The following WDR41 variants were observed in gnomAD, a reference collection of about 807,000 sequenced individuals.
WDR41 encodes the protein WD repeat-containing protein 41.
Under a neutral mutation model 69.3 loss-of-function variants are expected in WDR41, and 63 were observed. The observed-to-expected ratio is 0.91, with a 90% CI of 0.74 to 1.12. The LOEUF (loss-of-function observed/expected upper bound fraction) is 1.12, where lower values mean the gene tolerates loss of function less well. Among genes scored for constraint, WDR41 ranks in the 50% most tolerant of loss-of-function variants. The pLI is 0.00. For synonymous variants in WDR41, 185 were observed against 192.1 expected, an observed-to-expected ratio of 0.96 and a Z score of 0.31; for missense variants, 543 against 534.5, an observed-to-expected ratio of 1.02 and a Z score of -0.16.
intron 1 of WDR41, among the ~76,000 whole-genome samples, chr5:77,588,955 T>C (rs1744086731): frequency 6.6e-6 from 1 of 152,154 alleles, no homozygotes; most frequent in South Asian, 2.1e-4. Context: ...TCAGCACTAC[T>C]CTTTGTGGCC....
chr5:77,588,040 A>C (rs2112302746), intron 1 of WDR41, among the ~76,000 whole-genome samples: 1 of 152,296 alleles, frequency 6.6e-6, no homozygotes, highest in East Asian at 1.9e-4. Flanking sequence ...CTAATGAACT[A>C]ATATAGTCAC....
intron 1 of WDR41, among the ~76,000 whole-genome samples, chr5:77,604,039 G>A (rs1336515184): frequency 1.3e-5 from 2 of 152,052 alleles, no homozygotes; most frequent in Non-Finnish European, 2.9e-5. Flanking sequence ...TTTCCCTCAA[G>A]ATCGCTTTGG....
At chr5:77,612,716 C>T (rs1167694069) in intron 1 of WDR41, among the ~76,000 whole-genome samples, 6 of 151,998 alleles carry the variant, frequency 3.9e-5, no homozygotes, top group African/African-American at 1.4e-4. Flanking sequence ...TGGAAGCATT[C>T]CCTTTGAAAA....
intron 1 of WDR41, chr5:77,546,065 AG>A: frequency 5.4e-6 from 3 of 551,692 alleles, no homozygotes; most frequent in Non-Finnish European, 6.1e-6. Context: ...CACCTCAGCC[AG>A]GGGCTGCACT....
intron 1 of WDR41, among the ~76,000 whole-genome samples, chr5:77,611,925 A>T (rs1437559356): frequency 2.6e-5 from 4 of 152,144 alleles, no homozygotes; most frequent in Non-Finnish European, 4.4e-5. Flanking sequence ...AGAGAGAAGA[A>T]TCAAATAGAC....
chr5:77,518,766 A>G (rs1802329884), intron 1 of WDR41, among the ~76,000 whole-genome samples: 1 of 152,130 alleles, frequency 6.6e-6, no homozygotes, highest in South Asian at 2.1e-4. Context: ...TATAAACCAA[A>G]CTTTCCCAAA....
At chr5:77,493,291 G>C (rs1350721563), upstream of WDR41, among the ~76,000 whole-genome samples, 1 of 152,160 alleles carries the variant, frequency 6.6e-6, no homozygotes, top group African/African-American at 2.4e-5. Flanking sequence ...TATGTATTAG[G>C]TTCAAATAAT....
chr5:77,440,275 G>GT (rs1799107931), intron 9 of WDR41, among the ~76,000 whole-genome samples: 1 of 152,076 alleles, frequency 6.6e-6, no homozygotes, highest in Non-Finnish European at 1.5e-5. Context: ...TAAGAGATTT[G>GT]TTTTTTCAGA....
intron 11 of WDR41, 141 bp from the exon 12 acceptor site, chr5:77,436,535 G>T: frequency 2.1e-6 from 2 of 973,596 alleles, no homozygotes; most frequent in Non-Finnish European, 1.5e-6. Flanking sequence ...CACCGTGCTA[G>T]GGTTTTGTGA....
chr5:77,464,758 C>T lies in WDR41; in HGVS notation c.216+3G>A. Reference sequence around the variant, plus strand: ...ACACAATCCACACATAATCAATACACACCTGGGCATTCCACACAACTACAA... The same window carrying T: ...ACACAATCCACACATAATCAATACATACCTGGGCATTCCACACAACTACAA... On this transcript the variant is annotated splice_donor_region_variant and intron_variant, in intron 3 of 12. Transcript: ENST00000296679. 1.9e-6 allele frequency: 3 copies of T among 1,613,722 alleles called. No individual in the cohort carries two copies. The South Asian group carries it at 3.3e-5, about 18-fold the overall frequency.
intron 1 of WDR41, among the ~76,000 whole-genome samples, chr5:77,560,199 T>C (rs951817478): frequency 6.6e-5 from 10 of 152,196 alleles, no homozygotes; most frequent in African/African-American, 2.2e-4. Context: ...TACCTTAATT[T>C]AAATGTAAAA....
At chr5:77,466,394 T>C (rs190421047) in intron 2 of WDR41, among the ~76,000 whole-genome samples, 3 of 152,040 alleles carry the variant, frequency 2.0e-5, no homozygotes, top group Admixed American at 2.0e-4. Flanking sequence ...GATTTCTTTT[T>C]ATTTGTATAG....
rs1798797105 is a variant in WDR41 at position 77,433,243 on chromosome 5, A to G, written c.1272T>C (p.Ala424=). The G allele has an allele frequency of 6.2e-7, 1 of 1,614,084 alleles. No individual in the cohort carries two copies. The highest frequency in any genetic ancestry group is 8.5e-7 in the Non-Finnish European group (1 of 1,179,976). ...FEDHGLVTCS[A]DHLIILWKNG... ...TTTTCCACAAAATAATGAGATGATC[A>G]GCGGAGCACGTCACTAGTCCATGAT... Residue 424 remains alanine (A), a synonymous_variant, in exon 13 of 13, where the codon GCT becomes GCC. Coordinates refer to ENST00000296679, the MANE Select transcript of WDR41 (RefSeq NM_018268.4).
At chr5:77,528,753 A>C (rs1183248075) in intron 1 of WDR41, among the ~76,000 whole-genome samples, 4 of 151,684 alleles carry the variant, frequency 2.6e-5, no homozygotes, top group Non-Finnish European at 5.9e-5. Flanking sequence ...CATAAAATTC[A>C]GAGCATTAAC....
intron 1 of WDR41, among the ~76,000 whole-genome samples, chr5:77,557,825 G>A (rs1343265169): frequency 6.6e-6 from 1 of 151,080 alleles, no homozygotes; most frequent in African/African-American, 2.4e-5. Flanking sequence ...TGAATAAACT[G>A]TGGCATATTC....
chr5:77,618,229 C>T lies in WDR41; in HGVS notation c.42+2250G>A, dbSNP rs57262999. On this transcript the variant is annotated intron_variant, in intron 1 of 5. Coordinates refer to the WDR41 transcript ENST00000509971. Reference sequence around the variant, plus strand: ...CTCAAACTATAAAATGAGATTCCTACGCCCCATTCCCAGGGCCTGAGAAAT... The same window carrying T: ...CTCAAACTATAAAATGAGATTCCTATGCCCCATTCCCAGGGCCTGAGAAAT... Among the ~76,000 whole-genome samples, 271 of 152,228 alleles carry T rather than the reference C, an allele frequency of 1.8e-3. 1 individual carries two copies. Among genetic ancestry groups the T allele is most frequent in the African/African-American group, 6.1e-3 (255 of 41,544 alleles).
rs556210066 is a variant in WDR41 at position 77,512,618 on chromosome 5, C to T, written c.43-23046G>A. 1.4e-4 allele frequency among the ~76,000 whole-genome samples: 21 copies of T among 151,612 alleles called. No individual in the cohort carries two copies. The South Asian group carries it at 1.9e-3, about 14-fold the overall frequency. ...TACAAAAATTAGCCAGGGGTGGTGG[C>T]GTGCACCTGTAGTCCCAGCTACTCA... is the stretch of plus-strand genomic sequence containing the variant. On this transcript the variant is annotated intron_variant, in intron 1 of 5. Coordinates refer to the WDR41 transcript ENST00000509971.
intron 1 of WDR41, among the ~76,000 whole-genome samples, chr5:77,596,367 T>C (rs1027745771): frequency 2.9e-4 from 44 of 152,274 alleles, no homozygotes; most frequent in African/African-American, 1.0e-3. Flanking sequence ...AGGATGGTCT[T>C]GATCTCTTGA....
chr5:77,459,202 C>T (rs965377719), intron 4 of WDR41, 78 bp from the exon 5 acceptor site: 8 of 1,062,676 alleles, frequency 7.5e-6, no homozygotes, highest in Non-Finnish European at 9.8e-6. Context: ...ACAATTAAGC[C>T]ACAAATGTTA....
Sources: allele counts gnomAD v4.1 joint callset (sites outside exome capture counted in the v4.1 genomes callset), GRCh38; gene constraint gnomAD v4.1.1; transcripts MANE v1.5; gene names NCBI Gene and HGNC (gene_info 2026-07-23, HGNC 2026-07-21).